AGXT2: variants seen among roughly 807,000 people sequenced by gnomAD.
AGXT2 encodes the protein alanine--glyoxylate aminotransferase 2, also known as alanine--glyoxylate aminotransferase 2, mitochondrial.
A neutral mutation model predicts 62.5 loss-of-function variants in AGXT2; 61 were observed. That is an observed-to-expected ratio of 0.98 (90% confidence interval 0.79 to 1.21). AGXT2 has a LOEUF of 1.21. Among genes scored for constraint, AGXT2 ranks in the 50% most tolerant of loss-of-function variants. The pLI is 0.00. For missense variants in AGXT2, 666 were observed against 641.5 expected, an observed-to-expected ratio of 1.04 and a Z score of -0.41; for synonymous variants, 243 against 218.7, an observed-to-expected ratio of 1.11 and a Z score of -0.98.
chr5:35,027,554 T>C (rs1282590210), intron 7 of AGXT2, among the ~76,000 whole-genome samples: 1 of 152,218 alleles, frequency 6.6e-6, no homozygotes, highest in African/African-American at 2.4e-5. Context: ...TCTTTAAATG[T>C]ATTAAACATA....
At chr5:35,016,455 C>CA (rs1250483049) in intron 9 of AGXT2, among the ~76,000 whole-genome samples, 2 of 152,272 alleles carry the variant, frequency 1.3e-5, no homozygotes, top group African/African-American at 4.8e-5. Flanking sequence ...CAAGTAACAA[C>CA]ATTACATTAA....
intron 7 of AGXT2, 121 bp from the exon 8 acceptor site, chr5:35,026,631 G>C (rs1189094108): frequency 1.9e-6 from 2 of 1,037,002 alleles, no homozygotes; most frequent in African/African-American, 3.2e-5. Flanking sequence ...AAGTTAATCA[G>C]GGACTTCAGA....
chr5:35,010,330 G>C (rs1222063768), intron 11 of AGXT2, among the ~76,000 whole-genome samples, 181 bp from the exon 12 acceptor site: 4 of 152,272 alleles, frequency 2.6e-5, no homozygotes, highest in East Asian at 1.9e-4. Flanking sequence ...AAAGTCTTAG[G>C]GGAGGGGATA....
chr5:35,032,912 G>A (rs1256018925), intron 6 of AGXT2, 87 bp from the exon 7 acceptor site: 4 of 1,068,292 alleles, frequency 3.7e-6, no homozygotes, highest in Admixed American at 4.0e-5. Flanking sequence ...CAAGACAAGA[G>A]GGCTTCTTAG....
At chr5:35,024,029 A>G (rs529258191) in intron 9 of AGXT2, among the ~76,000 whole-genome samples, 1 of 152,130 alleles carries the variant, frequency 6.6e-6, no homozygotes, top group South Asian at 2.1e-4. Context: ...AGCAGCTGGG[A>G]TTACAGGCAT....
At position 35,039,509 on chromosome 5, in the gene AGXT2, CTGTAGA is replaced by C; in HGVS notation, c.178-7_178-2del. 6.2e-7 allele frequency: 1 copy of C among 1,613,580 alleles called. No individual in the cohort carries two copies. The highest frequency in any genetic ancestry group is 8.5e-7 in the Non-Finnish European group (1 of 1,179,628). On this transcript the variant is annotated splice_acceptor_variant and splice_polypyrimidine_tract_variant and intron_variant, in intron 2 of 13. Coordinates refer to ENST00000231420, the MANE Select transcript of AGXT2 (RefSeq NM_031900.4). LOFTEE classifies it high-confidence loss of function. ...CCAGGACACGGTTGTAGCCAAGGGA[CTGTAGA>C]TAAACAAGATTTAAACCCACACACT...
intron 8 of AGXT2, chr5:35,026,134 C>T (rs13170466): frequency 0.32 from 186,028 of 590,372 alleles, 32,122 homozygotes; most frequent in Non-Finnish European, 0.37. Flanking sequence ...TTGGACAATG[C>T]GGATGTTATT....
intron 7 of AGXT2, among the ~76,000 whole-genome samples, chr5:35,027,668 C>A (rs1046775203): frequency 2.0e-5 from 3 of 151,262 alleles, no homozygotes; most frequent in Non-Finnish European, 4.4e-5. Flanking sequence ...TGACAAGGGG[C>A]AGTTTATTTT....
Position 35,029,970 on chromosome 5 carries a change from C to T in AGXT2, c.769+2762G>A, listed in dbSNP as rs1767500026. Among the ~76,000 whole-genome samples the T allele has an allele frequency of 2.6e-5, 4 of 152,296 alleles. No homozygotes were observed. The South Asian group carries it at 8.3e-4, about 32-fold the overall frequency. On this transcript the variant is annotated intron_variant, in intron 7 of 13. Transcript: ENST00000231420. ...GAAAAATCTCTACCATGGTTGGTGCCTCAATTCCTCTTAAGGTATTCCTAT... is the reference window on the plus strand; with the variant it reads ...GAAAAATCTCTACCATGGTTGGTGCTTCAATTCCTCTTAAGGTATTCCTAT...
At chr5:35,005,830 C>T (rs1766400642) in intron 12 of AGXT2, among the ~76,000 whole-genome samples, 2 of 151,846 alleles carry the variant, frequency 1.3e-5, no homozygotes, top group Admixed American at 1.3e-4. Context: ...TCGTGTTTAT[C>T]TCTTTTGGTG....
At chr5:35,033,303 G>A in intron 6 of AGXT2, 157 bp downstream of exon 6, 2 of 679,172 alleles carry the variant, frequency 2.9e-6, no homozygotes, top group East Asian at 5.5e-5. Flanking sequence ...TTCTAATGGT[G>A]TCCTCAAGTG....
At chr5:35,021,420 A>G (rs1178430151) in intron 9 of AGXT2, among the ~76,000 whole-genome samples, 17 of 150,652 alleles carry the variant, frequency 1.1e-4, no homozygotes, top group South Asian at 6.4e-4. Context: ...ATAATGCTGC[A>G]TATCTACAAC....
intron 11 of AGXT2, among the ~76,000 whole-genome samples, chr5:35,010,578 G>A (rs991095773): frequency 5.9e-5 from 9 of 152,066 alleles, no homozygotes; most frequent in Middle Eastern, 3.2e-3. Context: ...CCAGCTATTC[G>A]GGAGGCTGAG....
intron 13 of AGXT2, among the ~76,000 whole-genome samples, chr5:35,000,855 C>T (rs888511801): frequency 6.6e-6 from 1 of 152,130 alleles, no homozygotes; most frequent in Non-Finnish European, 1.5e-5. Context: ...TACAGATGGT[C>T]CCTGACAGAA....
intron 10 of AGXT2, among the ~76,000 whole-genome samples, chr5:35,013,453 A>G (rs552442742): frequency 6.6e-6 from 1 of 152,240 alleles, no homozygotes; most frequent in African/African-American, 2.4e-5. Flanking sequence ...CATCATAGGC[A>G]TGGGAGAATT....
chr5:35,008,923 C>T (rs909777685), intron 12 of AGXT2, among the ~76,000 whole-genome samples: 1 of 152,120 alleles, frequency 6.6e-6, no homozygotes, highest in African/African-American at 2.4e-5. Context: ...GGAGGAAAGG[C>T]ACAATTTCCT....
At chr5:35,001,774 A>G (rs984632246) in intron 13 of AGXT2, among the ~76,000 whole-genome samples, 3 of 151,842 alleles carry the variant, frequency 2.0e-5, no homozygotes, top group Non-Finnish European at 2.9e-5. Context: ...CTCATTATTT[A>G]AGATTCTGCT....
intron 5 of AGXT2, 87 bp from the exon 6 acceptor site, chr5:35,033,640 A>T: frequency 9.8e-7 from 1 of 1,016,624 alleles, no homozygotes; most frequent in Admixed American, 1.8e-5. Flanking sequence ...GGCTATGAAG[A>T]TGAAATAGAA....
At position 35,014,086 on chromosome 5, in the gene AGXT2, A is replaced by G. The variant is rs753764849; in HGVS notation, c.997T>C (p.Phe333Leu). 1.2e-6 allele frequency: 2 copies of G among 1,614,180 alleles called. No homozygotes were observed. The highest frequency in any genetic ancestry group is 1.7e-6 in the Non-Finnish European group (2 of 1,180,030). The change falls in exon 10 of 14, where the codon TTC (phenylalanine) becomes CTC (leucine). Residue 333 changes from phenylalanine (F) to leucine (L), a missense_variant. Physicochemically the swap from Phe to Leu is conservative, Grantham distance 22. Transcript: ENST00000231420. ...QTGFGRLGSH[F>L]WGFQTHDVLP... ...ACATCGTGGGTTTGGAAGCCCCAGA[A>G]GTGAGAGCCCAACCTTCCAAATCCT...
Sources: allele counts gnomAD v4.1 joint callset (sites outside exome capture counted in the v4.1 genomes callset), GRCh38; gene constraint gnomAD v4.1.1; transcripts MANE v1.5; gene names NCBI Gene and HGNC (gene_info 2026-07-23, HGNC 2026-07-21).